ATAD5: variants seen among roughly 807,000 people sequenced by gnomAD.
ATAD5 encodes ATPase family AAA domain containing 5.
In ATAD5, 58 loss-of-function variants were observed where a neutral mutation model predicts 176.9. The observed-to-expected ratio is 0.33, with a 90% CI of 0.27 to 0.41. The LOEUF (loss-of-function observed/expected upper bound fraction) is 0.41. Ranked by LOEUF, ATAD5 falls within the 10% of genes least tolerant of loss-of-function variation. The pLI, the probability that ATAD5 is intolerant of heterozygous loss-of-function variation, is 1.00. For synonymous variants in ATAD5, 640 were observed against 712.6 expected (o/e 0.90, Z 1.62); for missense variants, 1,789 against 2,094.1 (o/e 0.85, Z 2.84).
At position 30,832,309 on chromosome 17, in the gene ATAD5, G is replaced by A. The variant is rs764955164; in HGVS notation, c.-39G>A. 1.9e-5 allele frequency: 29 copies of A among 1,489,670 alleles called. 1 individual carries two copies. In the South Asian group the frequency reaches 3.3e-4, roughly 17 times the overall value. The allele number at this position is 1,489,670 out of a possible 1,614,324, so 92.3% of individuals were successfully genotyped here. On this transcript the variant is annotated 5_prime_UTR_variant, in exon 1 of 23. It adds an upstream start codon to the 5' untranslated region. Coordinates refer to ENST00000321990, the MANE Select transcript of ATAD5 (RefSeq NM_024857.5). ...CTCCAGGCAGGCCGGGCTGGACCGC[G>A]TGAGGTCCTAGGAGACGGGATTCCG...
chr17:30,836,655 C>T lies in ATAD5; in HGVS notation c.1968-551C>T, dbSNP rs1021866158. On this transcript the variant is annotated intron_variant, in intron 2 of 22. Transcript: ENST00000321990. The stretch of plus-strand genomic sequence containing the variant: ...CAATCTCAGCTCACGACAACCTCCA[C>T]CTTCTGGGTTCAAGTGATTCTCGTG... 3.7e-4 allele frequency among the ~76,000 whole-genome samples: 56 copies of T among 152,216 alleles called. 1 individual carries two copies. The highest frequency in any genetic ancestry group is 3.4e-3 in the Middle Eastern group (1 of 294).
chr17:30,882,718 C>T (rs990559817), intron 18 of ATAD5, among the ~76,000 whole-genome samples: 1 of 152,166 alleles, frequency 6.6e-6, no homozygotes, highest in Non-Finnish European at 1.5e-5. Flanking sequence ...CTAATATGGT[C>T]TCCACTACCC....
In ATAD5 at chr17:30,835,514, TAAA is replaced by T; in HGVS notation, c.1434_1436del (p.Lys481del). 1 of 1,606,394 alleles carries T rather than the reference TAAA, an allele frequency of 6.2e-7. No individual in the cohort carries two copies. Among genetic ancestry groups the T allele is most frequent in the Non-Finnish European group, 8.5e-7 (1 of 1,178,326 alleles). Reference sequence around the variant, plus strand: ...TTTCTGAAGGAGAAAAATAAAAAGCTAAAGAAGAAGAATAAGAAAACATTAGAT... The same window carrying T: ...TTTCTGAAGGAGAAAAATAAAAAGCTGAAGAAGAATAAGAAAACATTAGAT... On this transcript the variant is annotated inframe_deletion, in exon 2 of 23. Transcript: ENST00000321990.
At chr17:30,844,247 T>C (rs1001758909) in intron 5 of ATAD5, among the ~76,000 whole-genome samples, 1 of 152,136 alleles carries the variant, frequency 6.6e-6, no homozygotes, top group African/African-American at 2.4e-5. Flanking sequence ...TTCTCCTGCC[T>C]CAGCCTCCTG....
chr17:30,844,164 T>C (rs1331029672), intron 5 of ATAD5, 125 bp downstream of exon 5: 1 of 907,932 alleles, frequency 1.1e-6, no homozygotes, highest in South Asian at 3.0e-5. Flanking sequence ...AGTCTCGCTT[T>C]GTCACTCAGG....
chr17:30,875,178 A>G (rs1048479288), intron 14 of ATAD5, among the ~76,000 whole-genome samples: 1 of 152,120 alleles, frequency 6.6e-6, no homozygotes, highest in Non-Finnish European at 1.5e-5. Context: ...TTCTGAGGCC[A>G]TACAGTAATT....
In ATAD5 at chr17:30,883,061, C is replaced by G. The variant is rs1018543878; in HGVS notation, c.4077+3574C>G. 4.0e-5 allele frequency among the ~76,000 whole-genome samples: 6 copies of G among 151,262 alleles called. No homozygotes were observed. The East Asian group carries it at 1.2e-3, about 29-fold the overall frequency. ...ATTATATCTAAATACGGCTTATTAT[C>G]TATTTTTAAAATGTGGCTAGACCCC... is the stretch of plus-strand genomic sequence containing the variant. On this transcript the variant is annotated intron_variant, in intron 18 of 22. Coordinates refer to ENST00000321990, the MANE Select transcript of ATAD5 (RefSeq NM_024857.5).
At position 30,892,750 on chromosome 17, in the gene ATAD5, A is replaced by AT; in HGVS notation, c.4408dup (p.Ser1470PhefsTer4). On this transcript the variant is annotated frameshift_variant, in exon 20 of 23. Coordinates refer to ENST00000321990, the MANE Select transcript of ATAD5 (RefSeq NM_024857.5). LOFTEE classifies it high-confidence loss of function. ...TGAGACCTTGTTTGGCCTTAAGAAC[A>AT]TTTTTTCCCCATCTGAAGACTTATT... The AT allele has an allele frequency of 1.3e-6, 2 of 1,577,338 alleles. No homozygotes were observed. Among genetic ancestry groups the AT allele is most frequent in the South Asian group, 1.2e-5 (1 of 83,364 alleles).
At chr17:30,867,520 A>G (rs539856584) in intron 11 of ATAD5, among the ~76,000 whole-genome samples, 2 of 152,342 alleles carry the variant, frequency 1.3e-5, no homozygotes, top group East Asian at 3.9e-4. Flanking sequence ...CTGGGATTTA[A>G]ACTCAGGCAT....
At chr17:30,877,125 C>T (rs1454414411) in intron 15 of ATAD5, among the ~76,000 whole-genome samples, 1 of 152,120 alleles carries the variant, frequency 6.6e-6, no homozygotes, top group Non-Finnish European at 1.5e-5. Flanking sequence ...TCAAGTGATG[C>T]TCCTGCCTCA....
chr17:30,841,588 A>G (rs1906122505), intron 4 of ATAD5, among the ~76,000 whole-genome samples: 1 of 152,132 alleles, frequency 6.6e-6, no homozygotes, highest in Admixed American at 6.6e-5. Context: ...CAATTTTGGA[A>G]CATTTTCATT....
chr17:30,845,352 G>T (rs1276140597), intron 6 of ATAD5, among the ~76,000 whole-genome samples: 1 of 152,110 alleles, frequency 6.6e-6, no homozygotes, highest in Non-Finnish European at 1.5e-5. Context: ...CTAAGGAGAG[G>T]TATAATTCAT....
rs762104155 is a variant in ATAD5, at chr17:30,877,393, ATAT to A, written c.3785-20_3785-18del. On this transcript the variant is annotated intron_variant, in intron 15 of 22. Coordinates refer to ENST00000321990, the MANE Select transcript of ATAD5 (RefSeq NM_024857.5). ...TTAGCAAAAGTTGATTTTACCTAAA[ATAT>A]TAATATTGTATTTATGCAGGAATAA... The A allele has an allele frequency of 1.4e-6, 2 of 1,404,812 alleles. No individual in the cohort carries two copies. Among genetic ancestry groups the A allele is most frequent in the Non-Finnish European group, 2.0e-6 (2 of 1,013,308 alleles). 87.0% of individuals were successfully genotyped at this position (1,404,812 alleles called of 1,614,324 possible). A position where few individuals can be genotyped will look rare whatever the true frequency, so the allele number is the denominator to read the frequency against.
In ATAD5 at chr17:30,835,364, A is replaced by G. The variant is rs756779040; in HGVS notation, c.1283A>G (p.Asp428Gly). The change falls in exon 2 of 23, where the codon GAC becomes GGC. Residue 428 changes from aspartate (D) to glycine (G), a missense_variant. This residue lies in a region of ATAD5 where 696 missense variants were observed against 712.5 expected (regional missense o/e 0.98). Transcript: ENST00000321990. ...AAAAAGTCTTCTGATAAGCAGAAAGACCTTAATGAAAAATGTCTATATGAA... is the reference window on the plus strand; with the variant it reads ...AAAAAGTCTTCTGATAAGCAGAAAGGCCTTAATGAAAAATGTCTATATGAA... ...GVKKSSDKQK[D>G]LNEKCLYEVG... is the part of the protein sequence containing the mutation. The G allele has an allele frequency of 1.9e-5, 31 of 1,611,692 alleles. No homozygotes were observed. Among genetic ancestry groups the G allele is most frequent in the Non-Finnish European group, 2.5e-5 (29 of 1,179,286 alleles).
rs147538471 is a variant in ATAD5, at chr17:30,892,649, G to C, written c.4301G>C (p.Gly1434Ala). The C allele has an allele frequency of 1.7e-4, 268 of 1,593,116 alleles. No homozygotes were observed. The African/African-American group carries it at 1.8e-3, about 11-fold the overall frequency. Residue 1434 changes from glycine to alanine, a missense_variant, in exon 20 of 23, where the codon GGC becomes GCC. Physicochemically the swap from Gly to Ala is moderately conservative, Grantham distance 60 (BLOSUM62 0). Around this residue, in one of 6 missense-constraint regions of ATAD5, gnomAD observed 403 missense variants for 495.1 expected, o/e 0.81. Coordinates refer to ENST00000321990, the MANE Select transcript of ATAD5 (RefSeq NM_024857.5). ...GTACAACTAGTTTGCTCTGAACATG[G>C]CCTTGATAACAAAATTTACCCTAAA... ...RNVQLVCSEH[G>A]LDNKIYPKNT...
intron 10 of ATAD5, chr17:30,863,037 A>G (rs932745341): frequency 1.3e-5 from 2 of 152,088 alleles, no homozygotes; most frequent in African/African-American, 2.4e-5. Context: ...CCAAAAAAAA[A>G]AGAAAAAAAA....
intron 5 of ATAD5, 76 bp from the exon 6 acceptor site, chr17:30,844,747 CAAAAAAAAAAAA>C (rs569986111): frequency 4.3e-5 from 15 of 347,008 alleles, no homozygotes; most frequent in Admixed American, 2.4e-4. Flanking sequence ...GACTCCATCT[CAAAAAAAAAAAA>C]AAAAAAAAAA....
intron 6 of ATAD5, among the ~76,000 whole-genome samples, chr17:30,846,172 C>T (rs942392870): frequency 9.2e-5 from 14 of 152,202 alleles, no homozygotes; most frequent in African/African-American, 2.9e-4. Context: ...CCAAAATATT[C>T]GATTTCTATT....
At chr17:30,860,699 CT>C in intron 10 of ATAD5, 87 bp downstream of exon 10, 2 of 1,115,546 alleles carry the variant, frequency 1.8e-6, no homozygotes, top group Non-Finnish European at 2.4e-6. Context: ...TTTTGATATG[CT>C]TTTTAAAAAA....
Sources: gnomAD v4.1 joint callset for allele counts (sites outside exome capture counted in the v4.1 genomes callset) on GRCh38, gnomAD v4.1.1 for gene constraint, gnomAD v4.1.1 regional missense constraint, MANE v1.5 for transcripts, NCBI Gene and HGNC (gene_info 2026-07-23, HGNC 2026-07-21) for gene names.